Variants in RHD observed in about 807,000 individuals in gnomAD.
RHD encodes Rh blood group D antigen, also known as blood group Rh(D) polypeptide.
In RHD, 16 loss-of-function variants were observed where a neutral mutation model predicts 45.5. The observed-to-expected ratio is 0.35, with a 90% confidence interval of 0.24 to 0.53. The LOEUF (loss-of-function observed/expected upper bound fraction) is 0.53, where lower values mean the gene tolerates loss of function less well. RHD is among the 20% of genes least tolerant of loss of function. RHD has a pLI of 0.92. For missense variants in RHD, 306 were observed against 532.0 expected (o/e 0.58, Z 4.18); for synonymous variants, 131 against 217.5 (o/e 0.60, Z 3.50).
intron 6 of RHD, among the ~76,000 whole-genome samples, 161 bp downstream of exon 6, chr1:25,303,620 C>T (rs183178624): frequency 4.6e-5 from 6 of 130,404 alleles, no homozygotes; most frequent in African/African-American, 1.6e-4. Context: ...GGCTCGGTGG[C>T]GCATTTGTTA....
Position 25,280,036 on chromosome 1 carries a change from A to G in RHD, c.149-4537A>G, listed in dbSNP as rs600597. On this transcript the variant is annotated intron_variant, in intron 1 of 9. Coordinates refer to ENST00000328664, the MANE Select transcript of RHD (RefSeq NM_016124.6). ...GGAAATGGGCCTGGAGCCCAGGAGA[A>G]GTGGGAGGATGAGGGGGCAGGGGGA... Among the ~76,000 whole-genome samples, 52 of 128,346 alleles carry G rather than the reference A, an allele frequency of 4.1e-4. 1 individual carries two copies. The highest frequency in any genetic ancestry group is 1.3e-3 in the African/African-American group (45 of 35,976). 84.2% of individuals were successfully genotyped at this position (128,346 alleles called of 152,430 possible).
rs1392732727 is a variant in RHD at position 25,301,772 on chromosome 1, G to T, written c.801+86G>T. On this transcript the variant is annotated intron_variant, in intron 5 of 9. Coordinates refer to ENST00000328664, the MANE Select transcript of RHD (RefSeq NM_016124.6). Reference sequence around the variant, plus strand: ...TGCCCCTCCCCACCCCAGGGCCAGCGTGGGTTGGGAGAGGGCATGCCGGGT... The same window carrying T: ...TGCCCCTCCCCACCCCAGGGCCAGCTTGGGTTGGGAGAGGGCATGCCGGGT... The T allele has an allele frequency of 1.1e-5, 11 of 1,016,550 alleles. 3 individuals carry two copies. In the South Asian group the frequency reaches 1.3e-4, roughly 12 times the overall value. 63.0% of individuals were successfully genotyped at this position (1,016,550 alleles called of 1,614,324 possible).
intron 2 of RHD, 89 bp downstream of exon 2, chr1:25,284,848 C>T: frequency 3.3e-6 from 4 of 1,212,122 alleles, no homozygotes; most frequent in Non-Finnish European, 3.6e-6. Flanking sequence ...ATATTGCCCC[C>T]TCTCTGTCTA....
chr1:25,276,487 G>A lies in RHD; in HGVS notation c.148+3792G>A, dbSNP rs1417487930. The stretch of plus-strand genomic sequence containing the variant: ...TGGGGAGGATCGCTTAAACCAAGGA[G>A]TTCAAGACGAGCCTAGGAAACATAG... On this transcript the variant is annotated intron_variant, in intron 1 of 9. Coordinates refer to ENST00000328664, the MANE Select transcript of RHD (RefSeq NM_016124.6). Among the ~76,000 whole-genome samples the A allele has an allele frequency of 2.9e-5, 3 of 104,488 alleles. 1 individual carries two copies. The highest frequency in any genetic ancestry group is 6.2e-5 in the Non-Finnish European group (3 of 48,172). 68.5% of individuals were successfully genotyped at this position (104,488 alleles called of 152,430 possible). A position where few individuals can be genotyped will look rare whatever the true frequency, so the allele number is the denominator to read the frequency against.
intron 1 of RHD, among the ~76,000 whole-genome samples, chr1:25,276,921 G>A (rs1363431137): frequency 7.7e-6 from 1 of 130,410 alleles, no homozygotes; most frequent in African/African-American, 2.6e-5. Flanking sequence ...AAAAAAATTA[G>A]CCGGGTGTGG....
chr1:25,319,305 G>C lies in RHD; in HGVS notation c.1153+2226G>C, dbSNP rs1364280790. Among the ~76,000 whole-genome samples the C allele has an allele frequency of 1.5e-5, 2 of 132,294 alleles. 1 individual carries two copies. The highest frequency in any genetic ancestry group is 3.6e-5 in the Non-Finnish European group (2 of 55,830). 86.8% of individuals were successfully genotyped at this position (132,294 alleles called of 152,430 possible). A position where few individuals can be genotyped will look rare whatever the true frequency, so the allele number is the denominator to read the frequency against. On this transcript the variant is annotated intron_variant, in intron 8 of 9. Transcript: ENST00000328664. The stretch of plus-strand genomic sequence containing the variant: ...CAACAAGTTTTCTTCTTTACATGTT[G>C]TTTTTGACATGAGCAAACTGGTGAT...
At chr1:25,304,458 C>T (rs1159304889) in intron 6 of RHD, 1 of 130,058 alleles carries the variant, frequency 7.7e-6, no homozygotes, top group African/African-American at 2.7e-5. Context: ...ATTAGCCAGG[C>T]ATGGTGGCGG....
rs112473736 is a variant in RHD, at chr1:25,290,554, A to AGAATGAATGAAT, written c.336-64_336-53dup. ...TAGGTGCCCAACAGTGTTTGTTGAA[A>AGAATGAATGAAT]GAATGAATGAATGAATGAATGAATG... On this transcript the variant is annotated intron_variant, in intron 2 of 9. Coordinates refer to ENST00000328664, the MANE Select transcript of RHD (RefSeq NM_016124.6). 535 of 1,099,938 alleles carry AGAATGAATGAAT rather than the reference A, an allele frequency of 4.9e-4. 79 individuals carry two copies. In the African/African-American group the frequency reaches 5.5e-3, roughly 11 times the overall value. 68.1% of individuals were successfully genotyped at this position (1,099,938 alleles called of 1,614,324 possible).
rs1329065491 is a variant in RHD at position 25,296,468 on chromosome 1, C to A, written c.487-4478C>A. 2.1e-3 allele frequency among the ~76,000 whole-genome samples: 252 copies of A among 120,338 alleles called. 24 individuals carry two copies. The highest frequency in any genetic ancestry group is 6.7e-3 in the African/African-American group (244 of 36,562). 78.9% of individuals were successfully genotyped at this position (120,338 alleles called of 152,430 possible). ...CCATATTGGCCAGGCTGGTCTTGAG[C>A]TCCTGGCCTCAGTTGATCCACCTGT... On this transcript the variant is annotated intron_variant, in intron 3 of 9. Transcript: ENST00000328664.
chr1:25,285,326 G>A (rs1392131373), intron 2 of RHD, among the ~76,000 whole-genome samples: 1 of 133,774 alleles, frequency 7.5e-6, no homozygotes, highest in Non-Finnish European at 1.8e-5. Flanking sequence ...TAGAGATAGG[G>A]TTTCTCCGTG....
At chr1:25,298,673 A>G (rs1643132374) in intron 3 of RHD, among the ~76,000 whole-genome samples, 1 of 131,796 alleles carries the variant, frequency 7.6e-6, no homozygotes, top group Admixed American at 7.4e-5. Context: ...TTTTACCATC[A>G]TTTGTTCCCT....
In RHD at chr1:25,308,579, G is replaced by A. The variant is rs2518078; in HGVS notation, c.1073+1850G>A. On this transcript the variant is annotated intron_variant, in intron 7 of 9. Coordinates refer to ENST00000328664, the MANE Select transcript of RHD (RefSeq NM_016124.6). The stretch of plus-strand genomic sequence containing the variant: ...AATTTCTATGGTACAAACGCTTCCC[G>A]CATGACTGAGTTCAAGCTGTCAAGG... Among the ~76,000 whole-genome samples, 212 of 131,912 alleles carry A rather than the reference G, an allele frequency of 1.6e-3. 31 individuals are homozygous for A. The highest frequency in any genetic ancestry group is 4.8e-3 in the African/African-American group (183 of 38,298). 86.5% of individuals were successfully genotyped at this position (131,912 alleles called of 152,430 possible).
At chr1:25,275,321 G>A (rs949449864) in intron 1 of RHD, among the ~76,000 whole-genome samples, 11 of 131,720 alleles carry the variant, frequency 8.4e-5, no homozygotes, top group African/African-American at 2.3e-4. Context: ...AAATAAAGAG[G>A]GAAGCAGCGG....
chr1:25,323,459 T>C (rs549231694), intron 9 of RHD, among the ~76,000 whole-genome samples: 2 of 118,868 alleles, frequency 1.7e-5, no homozygotes, highest in East Asian at 4.2e-4. Flanking sequence ...GTTTGCATTT[T>C]CTGTAATTTT....
At chr1:25,280,657 G>A (rs1321365865) in intron 1 of RHD, among the ~76,000 whole-genome samples, 1 of 109,432 alleles carries the variant, frequency 9.1e-6, no homozygotes, top group Non-Finnish European at 2.0e-5. Flanking sequence ...CACCCAGGCT[G>A]CTGGAGTGTA....
In RHD at chr1:25,303,761, CCT is replaced by C. The variant is rs1456730037; in HGVS notation, c.939+303_939+304del. Among the ~76,000 whole-genome samples the C allele has an allele frequency of 5.3e-5, 7 of 130,952 alleles. 2 individuals carry two copies. Among genetic ancestry groups the C allele is most frequent in the African/African-American group, 1.8e-4 (7 of 37,868 alleles). 85.9% of individuals were successfully genotyped at this position (130,952 alleles called of 152,430 possible). A position where few individuals can be genotyped will look rare whatever the true frequency, so the allele number is the denominator to read the frequency against. Reference sequence around the variant, plus strand: ...GAGTGTTGTGGGGAGCCCCGAAGCCCCTGTTTTACTTCTTTCTTTGCTTTTCC... The same window carrying C: ...GAGTGTTGTGGGGAGCCCCGAAGCCCGTTTTACTTCTTTCTTTGCTTTTCC... On this transcript the variant is annotated intron_variant, in intron 6 of 9. Coordinates refer to ENST00000328664, the MANE Select transcript of RHD (RefSeq NM_016124.6).
At chr1:25,276,532 T>TAAAAAACAAAAAAAAAA (rs1640997583) in intron 1 of RHD, among the ~76,000 whole-genome samples, 1 of 64,786 alleles carries the variant, frequency 1.5e-5, no homozygotes, top group African/African-American at 7.2e-5. Flanking sequence ...CCCCCATCTC[T>TAAAAAACAAAAAAAAAA]AAAAAAAAAA....
chr1:25,285,525 G>A (rs1166604084), intron 2 of RHD, among the ~76,000 whole-genome samples: 2 of 134,966 alleles, frequency 1.5e-5, no homozygotes, highest in East Asian at 3.9e-4. Context: ...TAAATTACCT[G>A]TGCTTTGTTT....
chr1:25,316,667 G>A (rs1644458722), intron 7 of RHD, among the ~76,000 whole-genome samples: 1 of 126,056 alleles, frequency 7.9e-6, no homozygotes, highest in Non-Finnish European at 1.9e-5. Context: ...GGCTCTGAGA[G>A]GTTGAGGGAC....
Sources: allele counts gnomAD v4.1 joint callset (sites outside exome capture counted in the v4.1 genomes callset), GRCh38; gene constraint gnomAD v4.1.1; transcripts MANE v1.5; gene names NCBI Gene and HGNC (gene_info 2026-07-23, HGNC 2026-07-21).